Variants in TRIM71 observed in about 807,000 individuals in gnomAD.
TRIM71 encodes tripartite motif containing 71.
TRIM71 carries 9 observed loss-of-function variants against 61.2 expected under a neutral mutation model. The observed-to-expected ratio is 0.15, with a 90% confidence interval of 0.09 to 0.26. TRIM71 has a LOEUF of 0.26. TRIM71 is among the 10% of genes least tolerant of loss of function. The pLI is 1.00. For synonymous variants in TRIM71, 645 were observed against 553.2 expected, an observed-to-expected ratio of 1.17 and a Z score of -2.33; for missense variants, 998 against 1,238.7, an observed-to-expected ratio of 0.81 and a Z score of 2.92.
intron 1 of TRIM71, among the ~76,000 whole-genome samples, chr3:32,825,162 A>C (rs1313131486): frequency 6.6e-6 from 1 of 152,184 alleles, no homozygotes; most frequent in Non-Finnish European, 1.5e-5. Flanking sequence ...GTACTACTTA[A>C]TATGGATGCA....
At chr3:32,869,285 G>A (rs1696772157) in intron 1 of TRIM71, among the ~76,000 whole-genome samples, 1 of 152,198 alleles carries the variant, frequency 6.6e-6, no homozygotes, top group Non-Finnish European at 1.5e-5. Context: ...CCAAGTAAAT[G>A]TCCTCAGTCA....
At chr3:32,870,604 C>T (rs899252683) in intron 1 of TRIM71, among the ~76,000 whole-genome samples, 1 of 152,140 alleles carries the variant, frequency 6.6e-6, no homozygotes, top group South Asian at 2.1e-4. Context: ...CCGGCCACTA[C>T]CTGTTCTGAC....
chr3:32,842,942 C>G (rs1559540888), intron 1 of TRIM71, among the ~76,000 whole-genome samples: 1 of 151,720 alleles, frequency 6.6e-6, no homozygotes, highest in African/African-American at 2.4e-5. Flanking sequence ...AGGGCAGGGC[C>G]AAGCCCCTAT....
In TRIM71 at chr3:32,818,581, C is replaced by CCCGCAGGCG. The variant is rs1696088961; in HGVS notation, c.508_516dup (p.Ala170_Gln172dup). 4 of 1,295,416 alleles carry CCCGCAGGCG rather than the reference C, an allele frequency of 3.1e-6. No homozygotes were observed. Among genetic ancestry groups the CCCGCAGGCG allele is most frequent in the East Asian group, 6.4e-5 (2 of 31,354 alleles). The allele number at this position is 1,295,416 out of a possible 1,614,324, so 80.2% of individuals were successfully genotyped here. ...GCGCGTCCGCCTCCGCGCCGCCACT[C>CCCGCAGGCG]CCGCAGGCGCCGCAGCCGCCCGCGC... On this transcript the variant is annotated inframe_insertion, in exon 1 of 4. Transcript: ENST00000383763.
intron 1 of TRIM71, among the ~76,000 whole-genome samples, chr3:32,831,985 G>GA (rs1412643460): frequency 1.3e-5 from 2 of 152,180 alleles, no homozygotes; most frequent in African/African-American, 4.8e-5. Flanking sequence ...TGCTCAGTGT[G>GA]AATTGTGGTC....
chr3:32,864,735 T>G (rs141360687), intron 1 of TRIM71, among the ~76,000 whole-genome samples: 2 of 152,284 alleles, frequency 1.3e-5, no homozygotes, highest in East Asian at 3.9e-4. Context: ...AAAGGAAATG[T>G]CAGGCATAGC....
chr3:32,857,610 T>G (rs923983385), intron 1 of TRIM71, among the ~76,000 whole-genome samples: 8 of 152,196 alleles, frequency 5.3e-5, no homozygotes, highest in Non-Finnish European at 1.0e-4. Flanking sequence ...ATGTATTATT[T>G]GTATGTTACA....
At chr3:32,825,273 T>G (rs1187322786) in intron 1 of TRIM71, among the ~76,000 whole-genome samples, 1 of 152,208 alleles carries the variant, frequency 6.6e-6, no homozygotes, top group Admixed American at 6.5e-5. Context: ...GGGAGTTAGC[T>G]CTTGTGGAAG....
rs923480066 is a variant in TRIM71, at chr3:32,897,562, G to C, written c.*5751G>C. On this transcript the variant is annotated 3_prime_UTR_variant, in exon 4 of 4. Transcript: ENST00000383763. ...GGCTTTCACATTTTAAATCTTAAATGTTACTATTGCAGGCCGCAGGCATGA... is the reference window on the plus strand; with the variant it reads ...GGCTTTCACATTTTAAATCTTAAATCTTACTATTGCAGGCCGCAGGCATGA... 6.6e-6 allele frequency: 1 copy of C among 151,994 alleles called. No individual in the cohort carries two copies. Among genetic ancestry groups the C allele is most frequent in the Non-Finnish European group, 1.5e-5 (1 of 68,016 alleles). 9.4% of individuals were successfully genotyped at this position (151,994 alleles called of 1,614,324 possible). A position where few individuals can be genotyped will look rare whatever the true frequency, so the allele number is the denominator to read the frequency against.
chr3:32,896,292 G>T lies in TRIM71; in HGVS notation c.*4481G>T, dbSNP rs772891009. 7.9e-5 allele frequency: 12 copies of T among 152,234 alleles called. No individual in the cohort carries two copies. The highest frequency in any genetic ancestry group is 1.6e-4 in the Non-Finnish European group (11 of 68,040). The allele number at this position is 152,234 out of a possible 1,614,324, so 9.4% of individuals were successfully genotyped here. On this transcript the variant is annotated 3_prime_UTR_variant, in exon 4 of 4. Coordinates refer to ENST00000383763, the MANE Select transcript of TRIM71 (RefSeq NM_001039111.3). ...GGAATGAGAATCCTCTTGACTTCAT[G>T]ATTGTATTTGTAGCTCTCTGGACCC...
chr3:32,818,008 CACCT>C lies in TRIM71; in HGVS notation c.-72_-69del. 1 of 1,424,566 alleles carries C rather than the reference CACCT, an allele frequency of 7.0e-7. No homozygotes were observed. Among genetic ancestry groups the C allele is most frequent in the Non-Finnish European group, 9.8e-7 (1 of 1,024,908 alleles). 88.2% of individuals were successfully genotyped at this position (1,424,566 alleles called of 1,614,324 possible). On this transcript the variant is annotated 5_prime_UTR_variant, in exon 1 of 4. Transcript: ENST00000383763. ...TGAGTGAGTCGGTGACTCCCCCACC[CACCT>C]CGTCCGCTCTCTCCTCCTCCTCCTC...
chr3:32,844,112 T>C (rs1475231543), intron 1 of TRIM71, among the ~76,000 whole-genome samples: 1 of 152,192 alleles, frequency 6.6e-6, no homozygotes, highest in African/African-American at 2.4e-5. Flanking sequence ...CGTTATTTTG[T>C]GTGGTTGTGT....
intron 1 of TRIM71, among the ~76,000 whole-genome samples, chr3:32,827,638 G>GCAGAGCAACAAAACC (rs1696220045): frequency 6.6e-6 from 1 of 152,144 alleles, no homozygotes; most frequent in Non-Finnish European, 1.5e-5. Flanking sequence ...ACATTAATAG[G>GCAGAGCAACAAAACC]TTTTAAAGCA....
chr3:32,850,681 G>T (rs1696528363), intron 1 of TRIM71, among the ~76,000 whole-genome samples: 1 of 151,902 alleles, frequency 6.6e-6, no homozygotes, highest in Admixed American at 6.6e-5. Flanking sequence ...AACATTCTTT[G>T]AATTTTAAGC....
chr3:32,818,326 G>A lies in TRIM71; in HGVS notation c.246G>A (p.Ala82=). ...GGCTGCCGGCGGCGGGCGGCGGCGC[G>A]GCGGGAGAGCCGCTCAAGCTGCGCT... ...AHRLPAAGGG[A]AGEPLKLRCP... is the part of the protein sequence containing the mutation. Residue 82 remains alanine (A), a synonymous_variant, in exon 1 of 4, where the codon GCG becomes GCA. Transcript: ENST00000383763. 1 of 1,440,402 alleles carries A rather than the reference G, an allele frequency of 6.9e-7. No individual in the cohort carries two copies. Among genetic ancestry groups the A allele is most frequent in the Admixed American group, 2.8e-5 (1 of 36,226 alleles). The allele number at this position is 1,440,402 out of a possible 1,614,324, so 89.2% of individuals were successfully genotyped here. A position where few individuals can be genotyped will look rare whatever the true frequency, so the allele number is the denominator to read the frequency against.
At chr3:32,887,709 T>C (rs571734108) in intron 3 of TRIM71, among the ~76,000 whole-genome samples, 8 of 152,130 alleles carry the variant, frequency 5.3e-5, no homozygotes, top group Admixed American at 2.0e-4. Context: ...TGGGGTTAGC[T>C]GCATATATAT....
chr3:32,888,464 A>C (rs930340465), intron 3 of TRIM71, among the ~76,000 whole-genome samples: 3 of 67,394 alleles, frequency 4.5e-5, no homozygotes, highest in African/African-American at 1.5e-4. Context: ...AAAAAAAAAA[A>C]AAAAAAAAAG....
intron 1 of TRIM71, among the ~76,000 whole-genome samples, chr3:32,867,239 T>G (rs1406831993): frequency 6.6e-6 from 1 of 152,150 alleles, no homozygotes; most frequent in East Asian, 1.9e-4. Context: ...GGAATGAATC[T>G]TGTTCAGCCA....
chr3:32,821,468 C>G (rs1370492444), intron 1 of TRIM71, among the ~76,000 whole-genome samples: 2 of 144,180 alleles, frequency 1.4e-5, no homozygotes, highest in Non-Finnish European at 3.1e-5. Context: ...CTTAAGCATC[C>G]CCTTGTAAAA....
Sources: allele counts gnomAD v4.1 joint callset (sites outside exome capture counted in the v4.1 genomes callset), GRCh38; gene constraint gnomAD v4.1.1; transcripts MANE v1.5; gene names NCBI Gene and HGNC (gene_info 2026-07-23, HGNC 2026-07-21).